The following RUVBL1 variants were observed in gnomAD, a reference collection of about 807,000 sequenced individuals.
RUVBL1 encodes the protein ruvB-like 1.
A neutral mutation model predicts 52.4 loss-of-function variants in RUVBL1; 4 were observed. The observed-to-expected ratio is 0.08, with a 90% CI of 0.04 to 0.17. The LOEUF (loss-of-function observed/expected upper bound fraction) is 0.17. Among genes scored for constraint, RUVBL1 ranks in the 10% least tolerant of loss-of-function variants. The probability of loss-of-function intolerance (pLI) is 1.00; values close to 1 mark genes in which losing one functional copy is unlikely to be tolerated. For missense variants in RUVBL1, 298 were observed against 572.8 expected (o/e 0.52, Z 4.90); for synonymous variants, 217 against 214.4 (o/e 1.01, Z -0.10).
chr3:128,150,614 A>AT (rs1944171465), intron 1 of RUVBL1, among the ~76,000 whole-genome samples: 1 of 131,138 alleles, frequency 7.6e-6, no homozygotes, highest in African/African-American at 3.0e-5. Context: ...GAACTAATAG[A>AT]ATATATATTC....
intron 9 of RUVBL1, among the ~76,000 whole-genome samples, chr3:128,074,158 A>G (rs776002473): frequency 6.6e-6 from 1 of 152,222 alleles, no homozygotes; most frequent in African/African-American, 2.4e-5. Flanking sequence ...TTGTACAAGA[A>G]TGTTCATAAT....
At chr3:128,132,784 C>T (rs1943898820) in intron 1 of RUVBL1, among the ~76,000 whole-genome samples, 1 of 152,098 alleles carries the variant, frequency 6.6e-6, no homozygotes, top group Non-Finnish European at 1.5e-5. Context: ...AGACCCAGTG[C>T]CATGCTGGCT....
chr3:128,133,896 C>A (rs997726970), intron 1 of RUVBL1, among the ~76,000 whole-genome samples: 1 of 152,144 alleles, frequency 6.6e-6, no homozygotes, highest in Non-Finnish European at 1.5e-5. Context: ...CCTCACCAAA[C>A]AAATGAAATA....
chr3:128,126,268 A>G (rs966803244), upstream of RUVBL1, among the ~76,000 whole-genome samples: 7 of 151,902 alleles, frequency 4.6e-5, no homozygotes, highest in African/African-American at 1.4e-4. Context: ...CTGATGGGCC[A>G]GGGGCGGTGG....
chr3:128,101,625 A>C lies in RUVBL1; in HGVS notation c.537T>G (p.Ser179Arg). Residue 179 changes from serine to arginine, a missense_variant, in exon 5 of 11, where the codon AGT (serine) becomes AGG (arginine). Coordinates refer to ENST00000322623, the MANE Select transcript of RUVBL1 (RefSeq NM_003707.3). ...QLKLDPSIFE[S>R]LQKERVEAGD... ...CAGCTTCTACTCGCTCTTTCTGCAA[A>C]CTTTCAAAAATGCTGGGGTCCAGCT... 1 of 1,614,028 alleles carries C rather than the reference A, an allele frequency of 6.2e-7. No homozygotes were observed. The highest frequency in any genetic ancestry group is 8.5e-7 in the Non-Finnish European group (1 of 1,180,046).
chr3:128,122,413 A>T (rs1943670645), intron 1 of RUVBL1, among the ~76,000 whole-genome samples: 1 of 152,230 alleles, frequency 6.6e-6, no homozygotes, highest in Non-Finnish European at 1.5e-5. Flanking sequence ...TTGTGTCTGA[A>T]AACTGTCATA....
intron 9 of RUVBL1, chr3:128,068,817 G>A (rs1434285783): frequency 6.6e-6 from 1 of 152,516 alleles, no homozygotes; most frequent in African/African-American, 2.4e-5. Flanking sequence ...TCACTCAGAA[G>A]CAGCCACAGA....
chr3:128,146,770 T>C (rs1944112854), intron 1 of RUVBL1, among the ~76,000 whole-genome samples: 1 of 152,104 alleles, frequency 6.6e-6, no homozygotes, highest in African/African-American at 2.4e-5. Context: ...CATCTGTGTG[T>C]CTCTGTGCGT....
At chr3:128,138,654 C>T (rs1040002506) in intron 1 of RUVBL1, among the ~76,000 whole-genome samples, 3 of 151,786 alleles carry the variant, frequency 2.0e-5, no homozygotes, top group Admixed American at 6.6e-5. Context: ...CAGTGCAATC[C>T]CTATAAAAAT....
intron 8 of RUVBL1, among the ~76,000 whole-genome samples, chr3:128,093,750 G>C (rs980171969): frequency 1.3e-4 from 20 of 152,224 alleles, no homozygotes; most frequent in African/African-American, 4.3e-4. Context: ...ATGGTGGCAA[G>C]TTAGGGAGGA....
chr3:128,094,465 C>T (rs1430983068), intron 8 of RUVBL1, among the ~76,000 whole-genome samples: 1 of 152,226 alleles, frequency 6.6e-6, no homozygotes, highest in African/African-American at 2.4e-5. Flanking sequence ...AGGCAGCACC[C>T]CGTCAAAGCT....
intron 1 of RUVBL1, among the ~76,000 whole-genome samples, chr3:128,145,177 C>T (rs1239447992): frequency 6.6e-6 from 1 of 152,156 alleles, no homozygotes; most frequent in Non-Finnish European, 1.5e-5. Context: ...TATTAATATA[C>T]CAGGAATTGC....
exon 1 of RUVBL1, chr3:128,153,455 A>G (rs1482395413): frequency 4.8e-6 from 7 of 1,445,154 alleles, no homozygotes; most frequent in East Asian, 2.8e-5. Flanking sequence ...CGCGGCGACT[A>G]CCGAGGGAGG....
At chr3:128,142,233 G>T (rs1055697329) in intron 1 of RUVBL1, among the ~76,000 whole-genome samples, 1 of 152,190 alleles carries the variant, frequency 6.6e-6, no homozygotes, top group Admixed American at 6.5e-5. Flanking sequence ...AGCTCCCATG[G>T]GTCCTGTCTG....
intron 7 of RUVBL1, 21 bp from the exon 8 acceptor site, chr3:128,097,519 C>A (rs1406984372): frequency 6.2e-7 from 1 of 1,608,624 alleles, no homozygotes; most frequent in East Asian, 2.2e-5. Flanking sequence ...CAAGGATGGG[C>A]AGGCAAGGTC....
At chr3:128,104,587 C>T (rs563621676) in intron 4 of RUVBL1, among the ~76,000 whole-genome samples, 186 bp downstream of exon 4, 1 of 152,176 alleles carries the variant, frequency 6.6e-6, no homozygotes, top group African/African-American at 2.4e-5. Context: ...TCCTTGAGTC[C>T]TCCTATGTGC....
chr3:128,128,013 TAC>T (rs1218377824), upstream of RUVBL1, among the ~76,000 whole-genome samples: 1 of 138,094 alleles, frequency 7.2e-6, no homozygotes, highest in African/African-American at 2.8e-5. Flanking sequence ...AATAAATACA[TAC>T]ATACATACAT....
At position 128,110,073 on chromosome 3, in the gene RUVBL1, T is replaced by A. The variant is rs531441026; in HGVS notation, c.361+2815A>T. Among the ~76,000 whole-genome samples the A allele has an allele frequency of 5.9e-5, 9 of 152,164 alleles. No individual in the cohort carries two copies. The East Asian group carries it at 1.7e-3, about 30-fold the overall frequency. Reference sequence around the variant, plus strand: ...CTCAGGTGATCCACCGGCCTCGGCCTCCCAAAGTGCTGGGATTACAGGCAT... The same window carrying A: ...CTCAGGTGATCCACCGGCCTCGGCCACCCAAAGTGCTGGGATTACAGGCAT... On this transcript the variant is annotated intron_variant, in intron 3 of 10. Coordinates refer to ENST00000322623, the MANE Select transcript of RUVBL1 (RefSeq NM_003707.3).
At chr3:128,152,140 G>A (rs1233906992) in intron 1 of RUVBL1, among the ~76,000 whole-genome samples, 1 of 152,120 alleles carries the variant, frequency 6.6e-6, no homozygotes, top group African/African-American at 2.4e-5. Flanking sequence ...AGACACTTAG[G>A]TTTGTTACCT....
Sources: gnomAD v4.1 joint callset for allele counts (sites outside exome capture counted in the v4.1 genomes callset) on GRCh38, gnomAD v4.1.1 for gene constraint, MANE v1.5 for transcripts, NCBI Gene and HGNC (gene_info 2026-07-23, HGNC 2026-07-21) for gene names.